Variants in PPFIBP2 observed in about 807,000 individuals in gnomAD.
The protein encoded by PPFIBP2 is liprin-beta-2.
In PPFIBP2, 118 loss-of-function variants were observed where a neutral mutation model predicts 118.3. The observed-to-expected ratio is 1.00, with a 90% CI of 0.86 to 1.16. The LOEUF (loss-of-function observed/expected upper bound fraction) is 1.16. Among genes scored for constraint, PPFIBP2 ranks in the 50% most tolerant of loss-of-function variants. The probability of loss-of-function intolerance (pLI) is 0.00; values close to 1 mark genes in which losing one functional copy is unlikely to be tolerated. For missense variants in PPFIBP2, 1,195 were observed against 1,073.1 expected, an observed-to-expected ratio of 1.11 and a Z score of -1.59; for synonymous variants, 414 against 397.4, an observed-to-expected ratio of 1.04 and a Z score of -0.50.
intron 3 of PPFIBP2, among the ~76,000 whole-genome samples, chr11:7,585,512 G>C (rs1857993084): frequency 2.0e-5 from 3 of 152,218 alleles, no homozygotes; most frequent in African/African-American, 2.4e-5. Flanking sequence ...GTTGGGGAGT[G>C]CTACAGAACT....
chr11:7,555,853 T>C (rs1480260311), intron 2 of PPFIBP2, among the ~76,000 whole-genome samples: 1 of 152,236 alleles, frequency 6.6e-6, no homozygotes, highest in African/African-American at 2.4e-5. Context: ...ATATTTACTA[T>C]AGTTGTAGGT....
intron 8 of PPFIBP2, 76 bp downstream of exon 8, chr11:7,625,967 A>G (rs753459336): frequency 1.2e-5 from 15 of 1,227,770 alleles, no homozygotes; most frequent in East Asian, 5.0e-5. Flanking sequence ...ATGTGTTTCT[A>G]TAAATGAGTG....
chr11:7,543,096 A>T (rs1851958626), intron 1 of PPFIBP2, among the ~76,000 whole-genome samples: 1 of 152,192 alleles, frequency 6.6e-6, no homozygotes, highest in South Asian at 2.1e-4. Flanking sequence ...TGTGATTGAG[A>T]ATTTAGCGCT....
chr11:7,588,226 G>A (rs936585917), intron 3 of PPFIBP2, among the ~76,000 whole-genome samples: 4 of 152,164 alleles, frequency 2.6e-5, no homozygotes, highest in African/African-American at 9.7e-5. Context: ...GTTTAGGTTA[G>A]GCTAGTATCA....
intron 5 of PPFIBP2, among the ~76,000 whole-genome samples, chr11:7,604,616 A>ATTT (rs759530422): frequency 2.0e-4 from 31 of 152,208 alleles, no homozygotes; most frequent in Non-Finnish European, 4.3e-4. Context: ...ACACCCATGC[A>ATTT]TTTGTCCAGC....
chr11:7,619,756 T>C (rs1160057725), intron 6 of PPFIBP2, among the ~76,000 whole-genome samples: 1 of 152,202 alleles, frequency 6.6e-6, no homozygotes, highest in African/African-American at 2.4e-5. Context: ...ATGCAGAGGA[T>C]AGATCCTATG....
At chr11:7,666,052 C>T in the PPFIBP2 span, 7 of 750,334 alleles carry the variant, frequency 9.3e-6, no homozygotes, top group Admixed American at 1.0e-4. Context: ...TCTGGGGGCT[C>T]AGCATGTCCA....
chr11:7,654,596 CAAGCTT>C (rs1173575015), downstream of PPFIBP2, among the ~76,000 whole-genome samples: 1 of 152,242 alleles, frequency 6.6e-6, no homozygotes, highest in Non-Finnish European at 1.5e-5. Context: ...GATGTGGGGA[CAAGCTT>C]GCCAGCTGGC....
intron 5 of PPFIBP2, among the ~76,000 whole-genome samples, chr11:7,604,471 C>A (rs1847085503): frequency 7.2e-6 from 1 of 139,150 alleles, no homozygotes; most frequent in South Asian, 2.1e-4. Flanking sequence ...CCCATACACG[C>A]ACACACACCC....
At chr11:7,572,396 T>C (rs1023203798) in intron 3 of PPFIBP2, among the ~76,000 whole-genome samples, 7 of 152,122 alleles carry the variant, frequency 4.6e-5, no homozygotes, top group African/African-American at 1.4e-4. Context: ...CCAAAGTAAA[T>C]TTACCCTACT....
rs780603806 is a variant in PPFIBP2 at position 7,631,049 on chromosome 11, A to T, written c.1068+21A>T. 17 of 1,593,124 alleles carry T rather than the reference A, an allele frequency of 1.1e-5. No homozygotes were observed. In the Admixed American group the frequency reaches 2.8e-4, roughly 27 times the overall value. On this transcript the variant is annotated intron_variant, in intron 11 of 23. Coordinates refer to ENST00000299492, the MANE Select transcript of PPFIBP2 (RefSeq NM_003621.5). ...AAGAGGTACTGTGTTTCCATCCATG[A>T]CGTAGGGTTTCAGCAGGTCCTCCGA...
rs779872529 is a variant in PPFIBP2 at position 7,649,577 on chromosome 11, A to G, written c.2044A>G (p.Ser682Gly). ...LKVTSQLHHL[S>G]IKCAIHVLHV... ...AGTCACCAGCCAACTACATCATCTC[A>G]GCATCAAATGTGCCATTCACGTGCT... The change falls in exon 21 of 24, where the codon AGC becomes GGC. Residue 682 changes from serine (S) to glycine (G), a missense_variant. Physicochemically the swap from Ser to Gly is moderately conservative, Grantham distance 56 (BLOSUM62 0). Transcript: ENST00000299492. The G allele has an allele frequency of 1.2e-6, 2 of 1,614,190 alleles. No homozygotes were observed. Among genetic ancestry groups the G allele is most frequent in the South Asian group, 2.2e-5 (2 of 91,080 alleles).
At chr11:7,574,905 C>T (rs1856096088) in intron 3 of PPFIBP2, among the ~76,000 whole-genome samples, 1 of 152,186 alleles carries the variant, frequency 6.6e-6, no homozygotes, top group Non-Finnish European at 1.5e-5. Flanking sequence ...TGAGATAAGA[C>T]TTGCTACTTG....
chr11:7,586,311 A>G (rs1858172555), intron 3 of PPFIBP2, among the ~76,000 whole-genome samples: 1 of 152,220 alleles, frequency 6.6e-6, no homozygotes, highest in African/African-American at 2.4e-5. Context: ...CTTTTTGTAG[A>G]AGGCATTAAA....
intron 5 of PPFIBP2, among the ~76,000 whole-genome samples, chr11:7,601,162 T>C (rs12421043): frequency 0.14 from 20,778 of 152,056 alleles, 2,765 homozygotes; most frequent in African/African-American, 0.34. Flanking sequence ...AGTTAGTTCC[T>C]TACCTAGTTC....
rs185952830 is a variant in PPFIBP2, at chr11:7,553,245, A to G, written c.64+3706A>G. Among the ~76,000 whole-genome samples, 346 of 151,942 alleles carry G rather than the reference A, an allele frequency of 2.3e-3. 1 individual carries two copies. The highest frequency in any genetic ancestry group is 8.2e-3 in the African/African-American group (340 of 41,388). On this transcript the variant is annotated intron_variant, in intron 2 of 23. Coordinates refer to ENST00000299492, the MANE Select transcript of PPFIBP2 (RefSeq NM_003621.5). ...ATTATTATTATTTTTTTTGAAGACTAGTAGTTTGTATGTCCCATGAACCAT... is the reference window on the plus strand; with the variant it reads ...ATTATTATTATTTTTTTTGAAGACTGGTAGTTTGTATGTCCCATGAACCAT...
chr11:7,663,403 T>G, the PPFIBP2 span, among the ~76,000 whole-genome samples: 253 of 151,780 alleles, frequency 1.7e-3, 1 homozygote, highest in African/African-American at 5.7e-3. Flanking sequence ...TGGAATACCC[T>G]GCTGTGTGAG....
At chr11:7,639,079 C>T (rs1050668141) in intron 14 of PPFIBP2, among the ~76,000 whole-genome samples, 12 of 152,150 alleles carry the variant, frequency 7.9e-5, no homozygotes, top group African/African-American at 2.9e-4. Flanking sequence ...TCTTTTGCTC[C>T]ACATTTAAAC....
chr11:7,595,455 C>T (rs1414376004), intron 4 of PPFIBP2, among the ~76,000 whole-genome samples: 1 of 152,182 alleles, frequency 6.6e-6, no homozygotes, highest in Non-Finnish European at 1.5e-5. Context: ...TTTCAAAGTC[C>T]TGTGTAATAA....
Sources: gnomAD v4.1 joint callset for allele counts (sites outside exome capture counted in the v4.1 genomes callset) on GRCh38, gnomAD v4.1.1 for gene constraint, MANE v1.5 for transcripts, NCBI Gene and HGNC (gene_info 2026-07-23, HGNC 2026-07-21) for gene names.